Variants in CEP131 observed in about 807,000 individuals in gnomAD.
The protein encoded by CEP131 is centrosomal protein of 131 kDa.
In CEP131, 99 loss-of-function variants were observed where a neutral mutation model predicts 136.8. The ratio of observed to expected loss-of-function variants is 0.72; its 90% CI spans 0.62 to 0.86. The LOEUF is 0.86. Among genes scored for constraint, CEP131 ranks in the 40% least tolerant of loss-of-function variants. CEP131 has a pLI of 0.00. For missense variants in CEP131, 1,459 were observed against 1,463.0 expected (o/e 1.00, Z 0.04); for synonymous variants, 646 against 612.7 (o/e 1.05, Z -0.80).
chr17:81,190,828 C>G (rs368111334), intron 23 of CEP131, 26 bp from the exon 24 acceptor site: 6 of 1,591,664 alleles, frequency 3.8e-6, no homozygotes, highest in Middle Eastern at 1.7e-4. Flanking sequence ...AGGCAGTGAG[C>G]CGGCTGCCAG....
rs1008511478 is a variant in CEP131 at position 81,215,138 on chromosome 17, G to A, written c.177+4742C>T. ...AGATAGAGTCTCACTCTGTTGCCCA[G>A]GCTGGAGAGCAGTGGCATGATCATA... is the stretch of plus-strand genomic sequence containing the variant. On this transcript the variant is annotated intron_variant, in intron 2 of 25. Transcript: ENST00000450824. The surrounding 1 kb of genome is among the most constrained non-coding windows in gnomAD (Gnocchi z 4.1). Among the ~76,000 whole-genome samples, 1 of 151,944 alleles carries A rather than the reference G, an allele frequency of 6.6e-6. No individual in the cohort carries two copies. Among genetic ancestry groups the A allele is most frequent in the African/African-American group, 2.4e-5 (1 of 41,334 alleles).
Position 81,197,065 on chromosome 17 carries a change from C to T in CEP131, c.1648-10G>A, listed in dbSNP as rs762789294. On this transcript the variant is annotated splice_polypyrimidine_tract_variant and intron_variant, in intron 13 of 25. Coordinates refer to ENST00000450824, the MANE Select transcript of CEP131 (RefSeq NM_014984.4). Reference sequence around the variant, plus strand: ...CCTCCGGCACCCACCCCTGCAGACACAGCCGAGCGTCAGGCGGAAGCGGCA... The same window carrying T: ...CCTCCGGCACCCACCCCTGCAGACATAGCCGAGCGTCAGGCGGAAGCGGCA... 6.3e-7 allele frequency: 1 copy of T among 1,582,062 alleles called. No homozygotes were observed. The highest frequency in any genetic ancestry group is 8.6e-7 in the Non-Finnish European group (1 of 1,164,372).
At chr17:81,194,779 ATGAATGCC>A in intron 17 of CEP131, 83 bp downstream of exon 17, 1 of 1,069,126 alleles carries the variant, frequency 9.4e-7, no homozygotes, top group East Asian at 2.4e-5. Context: ...CTCGGACTAC[ATGAATGCC>A]TGAAGTTATG....
At chr17:81,217,948 A>G (rs1401315123) in intron 2 of CEP131, among the ~76,000 whole-genome samples, 1 of 152,152 alleles carries the variant, frequency 6.6e-6, no homozygotes, top group Admixed American at 6.5e-5. Flanking sequence ...AAGCCCGGAA[A>G]CTTTTACAAC....
At chr17:81,206,717 C>T (rs767124321) in intron 5 of CEP131, 27 bp downstream of exon 5, 277 of 1,586,226 alleles carry the variant, frequency 1.7e-4, no homozygotes, top group South Asian at 3.8e-4. Context: ...CACTGGTGCC[C>T]GTCGTGGGCA....
In CEP131 at chr17:81,203,481, C is replaced by T. The variant is rs771305989; in HGVS notation, c.629+13G>A. The T allele has an allele frequency of 1.6e-5, 26 of 1,584,932 alleles. No individual in the cohort carries two copies. The highest frequency in any genetic ancestry group is 2.2e-5 in the Non-Finnish European group (26 of 1,166,462). On this transcript the variant is annotated intron_variant, in intron 6 of 25. Coordinates refer to ENST00000450824, the MANE Select transcript of CEP131 (RefSeq NM_014984.4). The surrounding 1 kb of genome is among the most constrained non-coding windows in gnomAD (Gnocchi z 4.6). ...GGACCCCGCAGCCCCGCGGCCTCCCCAGAAGACCTTACTTGAGGGAGGGGG... is the reference window on the plus strand; with the variant it reads ...GGACCCCGCAGCCCCGCGGCCTCCCTAGAAGACCTTACTTGAGGGAGGGGG...
At position 81,219,960 on chromosome 17, in the gene CEP131, G is replaced by A; in HGVS notation, c.97C>T (p.Pro33Ser). The change falls in exon 2 of 26, where the codon CCT becomes TCT. Residue 33 changes from proline to serine, a missense_variant. Coordinates refer to ENST00000450824, the MANE Select transcript of CEP131 (RefSeq NM_014984.4). This position sits in a 1 kb window ranked among gnomAD's most constrained non-coding sequence, Gnocchi z 4.0. ...TGLPPPVSRR[P>S]GSAATTKPIV... ...GGCTTGGTGGTGGCGGCACTGCCAG[G>A]ACGCCGGGACACAGGCGGAGGGAGA... The A allele has an allele frequency of 6.2e-7, 1 of 1,612,100 alleles. No individual in the cohort carries two copies. The highest frequency in any genetic ancestry group is 1.7e-4 in the Middle Eastern group (1 of 6,058).
rs781755110 is a variant in CEP131 at position 81,200,369 on chromosome 17, C to T, written c.866G>A (p.Gly289Glu). The T allele has an allele frequency of 6.3e-7, 1 of 1,583,432 alleles. No individual in the cohort carries two copies. Among genetic ancestry groups the T allele is most frequent in the South Asian group, 1.1e-5 (1 of 87,004 alleles). The change falls in exon 8 of 26, where the codon GGA (glycine) becomes GAA (glutamate). Residue 289 changes from glycine to glutamate, a missense_variant. By Grantham distance (98) the Gly-to-Glu change is moderately conservative (BLOSUM62 -2). Coordinates refer to ENST00000450824, the MANE Select transcript of CEP131 (RefSeq NM_014984.4). ...YRHQVQRRGA[G>E]AARLEHLLQA... Reference sequence around the variant, plus strand: ...AAGCAAGTGCTCCAGGCGGGCAGCTCCTGCTCCGCGCCGCTGCACCTGGTG... The same window carrying T: ...AAGCAAGTGCTCCAGGCGGGCAGCTTCTGCTCCGCGCCGCTGCACCTGGTG...
rs1390862442 is a variant in CEP131, at chr17:81,219,230, C to T, written c.177+650G>A. ...CCTGCTGCCCACACACCCACACACCCGTCTAGGTTTCTCCAAGGCCACCAG... is the reference window on the plus strand; with the variant it reads ...CCTGCTGCCCACACACCCACACACCTGTCTAGGTTTCTCCAAGGCCACCAG... On this transcript the variant is annotated intron_variant, in intron 2 of 25. Coordinates refer to ENST00000450824, the MANE Select transcript of CEP131 (RefSeq NM_014984.4). This position sits in a 1 kb window ranked among gnomAD's most constrained non-coding sequence, Gnocchi z 4.0. Among the ~76,000 whole-genome samples, 2 of 152,148 alleles carry T rather than the reference C, an allele frequency of 1.3e-5. No individual in the cohort carries two copies. Among genetic ancestry groups the T allele is most frequent in the Non-Finnish European group, 2.9e-5 (2 of 68,012 alleles).
Position 81,190,741 on chromosome 17 carries a change from T to C in CEP131, c.3005A>G (p.Glu1002Gly), listed in dbSNP as rs1273857047. Residue 1002 changes from glutamate (E) to glycine (G), a missense_variant, in exon 24 of 26, where the codon GAG becomes GGG. By Grantham distance (98) the Glu-to-Gly change is moderately conservative. Around this residue, in one of 3 missense-constraint regions of CEP131, gnomAD observed 1,026 missense variants for 964.2 expected, o/e 1.06. Coordinates refer to ENST00000450824, the MANE Select transcript of CEP131 (RefSeq NM_014984.4). ...NLAQVIRQEFEDRLAASEEET... is the reference protein window; with the variant it reads ...NLAQVIRQEFGDRLAASEEET... ...CTCCTCAGAGGCTGCCAGCCGGTCC[T>C]CGAACTCCTGGCGGATCACCTGGGC... 1.9e-6 allele frequency: 3 copies of C among 1,611,756 alleles called. No homozygotes were observed. In the African/African-American group the frequency reaches 4.0e-5, roughly 21 times the overall value.
At chr17:81,220,447 C>T (rs994588796) in intron 1 of CEP131, among the ~76,000 whole-genome samples, 2 of 152,162 alleles carry the variant, frequency 1.3e-5, no homozygotes, top group African/African-American at 4.8e-5. Flanking sequence ...AGTCACTGCC[C>T]CGAGCCCCAC....
chr17:81,215,628 TC>T lies in CEP131; in HGVS notation c.177+4251del, dbSNP rs60305903. On this transcript the variant is annotated intron_variant, in intron 2 of 25. Coordinates refer to ENST00000450824, the MANE Select transcript of CEP131 (RefSeq NM_014984.4). The surrounding 1 kb of genome is among the most constrained non-coding windows in gnomAD (Gnocchi z 4.1). ...GGTTTCACCGTGTTGGCCAGGCTGG[TC>T]TCGAACTCCTGACCTCAAGCAATCT... Among the ~76,000 whole-genome samples, 132,443 of 151,638 alleles carry T rather than the reference TC, an allele frequency of 0.87. 58,401 individuals are homozygous for T. Among genetic ancestry groups the T allele is most frequent in the Non-Finnish European group, 0.94 (63,726 of 67,900 alleles).
intron 2 of CEP131, among the ~76,000 whole-genome samples, chr17:81,214,428 C>T (rs1033618894): frequency 8.5e-5 from 13 of 152,084 alleles, no homozygotes; most frequent in Admixed American, 5.9e-4. Context: ...TGGTGGCAGG[C>T]GCCTGTAATC....
At position 81,197,694 on chromosome 17, in the gene CEP131, G is replaced by A. The variant is rs187427078; in HGVS notation, c.1647+18C>T. ...CCTCCTCCCACTGGGGGCCGGGTGC[G>A]GGCTGGTGAGGGGCCACCTCCTGCT... On this transcript the variant is annotated intron_variant, in intron 13 of 25. Coordinates refer to ENST00000450824, the MANE Select transcript of CEP131 (RefSeq NM_014984.4). 3.3e-5 allele frequency: 52 copies of A among 1,599,434 alleles called. No individual in the cohort carries two copies. In the African/African-American group the frequency reaches 3.3e-4, roughly 10 times the overall value.
chr17:81,209,119 G>T (rs1485343261), intron 2 of CEP131, 97 bp from the exon 3 acceptor site: 5 of 913,410 alleles, frequency 5.5e-6, no homozygotes, highest in East Asian at 5.3e-5. Flanking sequence ...TCAGAGAACA[G>T]AGGGGTGGCC....
chr17:81,190,666 T>A lies in CEP131; in HGVS notation c.3080A>T (p.Gln1027Leu), dbSNP rs1206849321. The A allele has an allele frequency of 6.3e-7, 1 of 1,598,458 alleles. No individual in the cohort carries two copies. The highest frequency in any genetic ancestry group is 2.2e-5 in the East Asian group (1 of 44,474). The change falls in exon 24 of 26, where the codon CAG becomes CTG. Residue 1027 changes from glutamine (Q) to leucine (L), a missense_variant. By Grantham distance (113) the Gln-to-Leu change is moderately radical (BLOSUM62 -2). This residue lies in a region of CEP131 where 1,026 missense variants were observed against 964.2 expected (regional missense o/e 1.06). Coordinates refer to ENST00000450824, the MANE Select transcript of CEP131 (RefSeq NM_014984.4). ...AELATLQARQ[Q>L]LELEEVHRRV... The stretch of plus-strand genomic sequence containing the variant: ...CCGGTGCACCTCCTCCAGCTCCAGC[T>A]GCTGGCGGGCCTGCAGCGTGGCCAG...
At chr17:81,211,240 C>T (rs1330448111) in intron 2 of CEP131, among the ~76,000 whole-genome samples, 2 of 152,328 alleles carry the variant, frequency 1.3e-5, no homozygotes, top group Non-Finnish European at 2.9e-5. Flanking sequence ...GGCTGTGCTC[C>T]CAGGGCCCCA....
At chr17:81,197,598 C>A in intron 13 of CEP131, 114 bp downstream of exon 13, 1 of 1,432,714 alleles carries the variant, frequency 7.0e-7, no homozygotes, top group Non-Finnish European at 9.2e-7. Flanking sequence ...GAGACCTCCT[C>A]CCCCTGGGGG....
intron 24 of CEP131, among the ~76,000 whole-genome samples, chr17:81,190,225 C>A (rs1426838360): frequency 6.6e-6 from 1 of 152,164 alleles, no homozygotes; most frequent in Non-Finnish European, 1.5e-5. Context: ...GGGTGGGACA[C>A]CTCGCCCACA....
Sources: allele counts gnomAD v4.1 joint callset (sites outside exome capture counted in the v4.1 genomes callset), GRCh38; gene constraint gnomAD v4.1.1; regional missense constraint gnomAD v4.1.1; non-coding constraint Gnocchi (gnomAD v3.1); transcripts MANE v1.5; gene names NCBI Gene and HGNC (gene_info 2026-07-23, HGNC 2026-07-21).